Variants in QTMAN observed in about 807,000 individuals in gnomAD.
QTMAN encodes queuosine-tRNA mannosyltransferase.
the QTMAN span, among the ~76,000 whole-genome samples, chr2:144,020,749 G>C: frequency 6.6e-6 from 1 of 151,886 alleles, no homozygotes; most frequent in African/African-American, 2.4e-5. Flanking sequence ...GTTTCACTTG[G>C]AAGAAACTGA....
chr2:144,222,090 T>G, the QTMAN span, among the ~76,000 whole-genome samples: 1 of 151,966 alleles, frequency 6.6e-6, no homozygotes, highest in African/African-American at 2.4e-5. Context: ...GACGGAGTCT[T>G]GCTCTGTCAC....
At chr2:144,178,192 A>C in the QTMAN span, 3 of 152,188 alleles carry the variant, frequency 2.0e-5, no homozygotes, top group African/African-American at 7.2e-5. Flanking sequence ...CTAGGGTTCA[A>C]GTTTTGACTC....
chr2:144,072,848 G>T, the QTMAN span, among the ~76,000 whole-genome samples: 4 of 152,182 alleles, frequency 2.6e-5, no homozygotes, highest in Non-Finnish European at 5.9e-5. Context: ...CTTAAATTTA[G>T]TGAGCATAGA....
the QTMAN span, among the ~76,000 whole-genome samples, chr2:144,009,541 T>G: frequency 6.6e-6 from 1 of 152,130 alleles, no homozygotes; most frequent in South Asian, 2.1e-4. Context: ...TTTAAATTTC[T>G]ATTCTAATTT....
chr2:144,203,150 A>AGTGTGTGTGTGTGTGT, the QTMAN span, among the ~76,000 whole-genome samples: 1 of 145,534 alleles, frequency 6.9e-6, no homozygotes. Flanking sequence ...TACAATGAAG[A>AGTGTGTGTGTGTGTGT]GTGTGTGTGT....
the QTMAN span, among the ~76,000 whole-genome samples, chr2:144,264,400 C>CCCA: frequency 5.9e-5 from 9 of 152,292 alleles, no homozygotes; most frequent in South Asian, 1.9e-3. Context: ...TTTCCCACAT[C>CCCA]CCACCACCAC....
the QTMAN span, among the ~76,000 whole-genome samples, chr2:144,158,408 G>A: frequency 6.6e-6 from 1 of 151,926 alleles, no homozygotes; most frequent in African/African-American, 2.4e-5. Flanking sequence ...TCAACAGCAG[G>A]TAGTGGATAT....
chr2:144,179,929 T>C, the QTMAN span, among the ~76,000 whole-genome samples: 1 of 152,194 alleles, frequency 6.6e-6, no homozygotes, highest in African/African-American at 2.4e-5. Context: ...TAATGTCATA[T>C]GGAATTTTGT....
At chr2:144,315,462 G>A in the QTMAN span, among the ~76,000 whole-genome samples, 44 of 152,286 alleles carry the variant, frequency 2.9e-4, no homozygotes, top group African/African-American at 1.0e-3. Flanking sequence ...ACCTGAACTA[G>A]CTGGTCACCT....
chr2:143,977,210 G>A, the QTMAN span, among the ~76,000 whole-genome samples: 693 of 152,200 alleles, frequency 4.6e-3, 8 homozygotes, highest in Non-Finnish European at 6.3e-3. Flanking sequence ...CATTGCTTCA[G>A]GAAAGACATG....
At chr2:144,248,736 CT>C in the QTMAN span, among the ~76,000 whole-genome samples, 1 of 149,932 alleles carries the variant, frequency 6.7e-6, no homozygotes, top group African/African-American at 2.4e-5. Context: ...TGAGTAAAGT[CT>C]TTTTTTAACT....
the QTMAN span, among the ~76,000 whole-genome samples, chr2:144,217,282 C>T: frequency 6.6e-6 from 1 of 152,044 alleles, no homozygotes. Context: ...GACAGCAAGA[C>T]TAAAATCCAG....
the QTMAN span, among the ~76,000 whole-genome samples, chr2:144,119,911 C>CTACAGTGTTAAATATAAAATATA: frequency 6.6e-6 from 1 of 151,862 alleles, no homozygotes; most frequent in Non-Finnish European, 1.5e-5. Context: ...GCCCTAGAAA[C>CTACAGTGTTAAATATAAAATATA]TACAGTGTTA....
the QTMAN span, among the ~76,000 whole-genome samples, chr2:143,969,270 C>T: frequency 6.6e-6 from 1 of 152,184 alleles, no homozygotes. Flanking sequence ...CTCGAAACCA[C>T]CTGTGTGGCT....
At chr2:144,126,603 C>T in the QTMAN span, among the ~76,000 whole-genome samples, 1 of 152,066 alleles carries the variant, frequency 6.6e-6, no homozygotes, top group African/African-American at 2.4e-5. Flanking sequence ...TGAAACAATA[C>T]ACAAAATCAT....
chr2:143,990,666 A>G, the QTMAN span, among the ~76,000 whole-genome samples: 4 of 152,226 alleles, frequency 2.6e-5, no homozygotes, highest in African/African-American at 4.8e-5. Flanking sequence ...TCCCCTCAGG[A>G]GAAATCCAGA....
the QTMAN span, among the ~76,000 whole-genome samples, chr2:144,055,868 C>T: frequency 6.6e-6 from 1 of 152,060 alleles, no homozygotes; most frequent in Non-Finnish European, 1.5e-5. Flanking sequence ...GTTCATCAAG[C>T]GGCAAAGTGG....
the QTMAN span, among the ~76,000 whole-genome samples, chr2:144,206,195 T>A: frequency 6.6e-6 from 1 of 152,230 alleles, no homozygotes; most frequent in Admixed American, 6.5e-5. Flanking sequence ...GACACACTCG[T>A]ATTTGTTCAG....
the QTMAN span, among the ~76,000 whole-genome samples, chr2:144,161,208 A>G: frequency 6.6e-6 from 1 of 152,134 alleles, no homozygotes; most frequent in Admixed American, 6.6e-5. Flanking sequence ...GTATTTATTT[A>G]TGACCAAAAG....
Sources: allele counts gnomAD v4.1 joint callset (sites outside exome capture counted in the v4.1 genomes callset), GRCh38; gene constraint gnomAD v4.1.1; transcripts MANE v1.5; gene names NCBI Gene and HGNC (gene_info 2026-07-23, HGNC 2026-07-21).